The following ULK4 variants were observed in gnomAD, a reference collection of about 807,000 sequenced individuals.
ULK4 encodes the protein inactive serine/threonine-protein kinase ULK4.
ULK4 carries 133 observed loss-of-function variants against 160.6 expected under a neutral mutation model. That is an observed-to-expected ratio of 0.83 (90% CI 0.72 to 0.96). The LOEUF is 0.96. Among genes scored for constraint, ULK4 ranks in the 40% least tolerant of loss-of-function variants. The pLI is 0.00. For synonymous variants in ULK4, 534 were observed against 539.8 expected, an observed-to-expected ratio of 0.99 and a Z score of 0.15; for missense variants, 1,580 against 1,499.5, an observed-to-expected ratio of 1.05 and a Z score of -0.89.
chr3:41,653,370 C>G (rs1269133570), intron 30 of ULK4, among the ~76,000 whole-genome samples: 1 of 152,216 alleles, frequency 6.6e-6, no homozygotes, highest in Non-Finnish European at 1.5e-5. Flanking sequence ...ACATTTTCCT[C>G]TGCCCCCTGA....
intron 35 of ULK4, among the ~76,000 whole-genome samples, chr3:41,379,728 A>G (rs546680397): frequency 2.0e-4 from 31 of 152,252 alleles, no homozygotes; most frequent in African/African-American, 5.1e-4. Context: ...AAGCCAAAAT[A>G]TTTTTTAAAA....
chr3:41,807,083 G>A (rs567307556), intron 19 of ULK4, among the ~76,000 whole-genome samples: 1 of 151,834 alleles, frequency 6.6e-6, no homozygotes, highest in Admixed American at 6.6e-5. Flanking sequence ...AGCCGAGATT[G>A]TGCCACTACA....
At chr3:41,834,517 C>T (rs1314165471) in intron 18 of ULK4, among the ~76,000 whole-genome samples, 2 of 152,018 alleles carry the variant, frequency 1.3e-5, no homozygotes, top group African/African-American at 2.4e-5. Flanking sequence ...TTCTGATATG[C>T]GAAGGGCCAG....
intron 22 of ULK4, among the ~76,000 whole-genome samples, chr3:41,740,228 C>T (rs2038197517): frequency 6.6e-6 from 1 of 151,770 alleles, no homozygotes; most frequent in African/African-American, 2.4e-5. Context: ...ACCAATTATC[C>T]AGAGTAAATA....
At chr3:41,668,007 AAAT>A (rs2035405778) in intron 29 of ULK4, among the ~76,000 whole-genome samples, 1 of 152,218 alleles carries the variant, frequency 6.6e-6, no homozygotes, top group African/African-American at 2.4e-5. Context: ...CTCGCTATCT[AAAT>A]AACTCTGGAT....
intron 35 of ULK4, among the ~76,000 whole-genome samples, chr3:41,370,152 A>C (rs1244484550): frequency 6.6e-6 from 1 of 152,188 alleles, no homozygotes; most frequent in Non-Finnish European, 1.5e-5. Flanking sequence ...AGATCCATGT[A>C]GAGTTTATAA....
At chr3:41,922,770 C>A (rs1699236700) in intron 5 of ULK4, among the ~76,000 whole-genome samples, 1 of 152,010 alleles carries the variant, frequency 6.6e-6, no homozygotes, top group South Asian at 2.1e-4. Flanking sequence ...GGTCAGATTG[C>A]AATGTACGAT....
chr3:41,664,793 C>T (rs1043501036), intron 29 of ULK4, among the ~76,000 whole-genome samples: 2 of 152,130 alleles, frequency 1.3e-5, no homozygotes, highest in Non-Finnish European at 2.9e-5. Context: ...CTCTTTTCTG[C>T]ACAGCATTCT....
intron 35 of ULK4, chr3:41,277,747 T>C (rs554555748): frequency 6.6e-6 from 1 of 152,302 alleles, no homozygotes; most frequent in African/African-American, 2.4e-5. Flanking sequence ...ATAAAGGGCA[T>C]CCAAATTGGT....
At chr3:41,782,213 C>T (rs1021602625) in intron 21 of ULK4, among the ~76,000 whole-genome samples, 1 of 150,934 alleles carries the variant, frequency 6.6e-6, no homozygotes, top group Non-Finnish European at 1.5e-5. Flanking sequence ...ATCTGGCATG[C>T]CTATTTTATG....
At chr3:41,958,370 T>G (rs1700551944) in intron 1 of ULK4, among the ~76,000 whole-genome samples, 3 of 152,160 alleles carry the variant, frequency 2.0e-5, no homozygotes, top group Admixed American at 6.6e-5. Flanking sequence ...ATTTTACAAT[T>G]AAAAATTTTT....
intron 34 of ULK4, among the ~76,000 whole-genome samples, chr3:41,417,854 A>G (rs2082563721): frequency 6.6e-6 from 1 of 152,032 alleles, no homozygotes; most frequent in Non-Finnish European, 1.5e-5. Context: ...CATACTAACT[A>G]CTCTGGTATA....
intron 31 of ULK4, among the ~76,000 whole-genome samples, chr3:41,584,562 G>T (rs2030646077): frequency 6.6e-6 from 1 of 152,118 alleles, no homozygotes; most frequent in Non-Finnish European, 1.5e-5. Flanking sequence ...GCTGGGATTA[G>T]AGACATGAGC....
intron 2 of ULK4, among the ~76,000 whole-genome samples, chr3:41,954,075 G>A (rs141497406): frequency 2.0e-5 from 3 of 151,756 alleles, no homozygotes; most frequent in Admixed American, 6.6e-5. Context: ...CTACTCGGGA[G>A]GCTGAAGCAG....
intron 5 of ULK4, among the ~76,000 whole-genome samples, chr3:41,931,123 C>A (rs1217409018): frequency 1.3e-5 from 2 of 152,164 alleles, no homozygotes; most frequent in Non-Finnish European, 2.9e-5. Flanking sequence ...AAATGTGGCA[C>A]ATATACACCA....
chr3:41,530,050 A>G (rs1486095227), intron 32 of ULK4, among the ~76,000 whole-genome samples: 1 of 152,200 alleles, frequency 6.6e-6, no homozygotes, highest in Non-Finnish European at 1.5e-5. Context: ...ACATAGTGAA[A>G]ATAGTTGCAC....
intron 20 of ULK4, among the ~76,000 whole-genome samples, chr3:41,798,763 G>C (rs2040372786): frequency 6.6e-6 from 1 of 152,074 alleles, no homozygotes; most frequent in African/African-American, 2.4e-5. Flanking sequence ...GGGGGCAGGG[G>C]TGGTAAATTA....
intron 22 of ULK4, among the ~76,000 whole-genome samples, chr3:41,749,876 A>C (rs2038555236): frequency 6.6e-6 from 1 of 152,176 alleles, no homozygotes. Flanking sequence ...TCAAGGCATG[A>C]GAAGCAATCT....
intron 22 of ULK4, among the ~76,000 whole-genome samples, chr3:41,748,317 CAT>C (rs969449044): frequency 1.4e-4 from 21 of 148,322 alleles, no homozygotes; most frequent in Admixed American, 6.1e-4. Flanking sequence ...ACGCACATAC[CAT>C]ATATATATAT....
Sources: gnomAD v4.1 joint callset for allele counts (sites outside exome capture counted in the v4.1 genomes callset) on GRCh38, gnomAD v4.1.1 for gene constraint, MANE v1.5 for transcripts, NCBI Gene and HGNC (gene_info 2026-07-23, HGNC 2026-07-21) for gene names.